The following XRN2 variants were observed in gnomAD, a reference collection of about 807,000 sequenced individuals.
XRN2 encodes the protein DHM1-like protein.
Under a neutral mutation model 138.5 loss-of-function variants are expected in XRN2, and 44 were observed. The ratio of observed to expected loss-of-function variants is 0.32; its 90% CI spans 0.25 to 0.41. The LOEUF (loss-of-function observed/expected upper bound fraction) is 0.41, where lower values mean the gene tolerates loss of function less well. Ranked by LOEUF, XRN2 falls within the 10% of genes least tolerant of loss-of-function variation. The pLI, the probability that XRN2 is intolerant of heterozygous loss-of-function variation, is 1.00. For missense variants in XRN2, 937 were observed against 1,169.3 expected, an observed-to-expected ratio of 0.80 and a Z score of 2.90; for synonymous variants, 354 against 369.4, an observed-to-expected ratio of 0.96 and a Z score of 0.48.
At chr20:21,364,381 A>G (rs2122303000) in intron 24 of XRN2, among the ~76,000 whole-genome samples, 1 of 152,322 alleles carries the variant, frequency 6.6e-6, no homozygotes, top group East Asian at 1.9e-4. Context: ...TTGCTATGTC[A>G]GAAGACAGAC....
At chr20:21,373,435 G>A (rs573299934) in intron 27 of XRN2, among the ~76,000 whole-genome samples, 6 of 152,170 alleles carry the variant, frequency 3.9e-5, no homozygotes, top group African/African-American at 7.2e-5. Flanking sequence ...GAAACTGTGC[G>A]TCCTTCAATG....
At chr20:21,350,472 G>C (rs765356200) in intron 20 of XRN2, among the ~76,000 whole-genome samples, 12 of 126,752 alleles carry the variant, frequency 9.5e-5, no homozygotes, top group Non-Finnish European at 1.6e-4. Flanking sequence ...CTTGCAGTGA[G>C]TCGAGATAGC....
intron 28 of XRN2, among the ~76,000 whole-genome samples, chr20:21,385,360 A>G (rs1379876162): frequency 6.6e-6 from 1 of 152,216 alleles, no homozygotes; most frequent in Admixed American, 6.5e-5. Flanking sequence ...CAGAGACTGG[A>G]AGAGACCATT....
intron 20 of XRN2, among the ~76,000 whole-genome samples, chr20:21,353,724 G>A (rs2038541233): frequency 6.8e-6 from 1 of 147,622 alleles, no homozygotes; most frequent in African/African-American, 2.5e-5. Flanking sequence ...GAGCCTGCAA[G>A]TTTGAGGCTG....
chr20:21,354,647 A>G (rs2038554233), intron 20 of XRN2, 142 bp from the exon 21 acceptor site: 1 of 653,022 alleles, frequency 1.5e-6, no homozygotes, highest in Admixed American at 2.8e-5. Context: ...GTTTTGGCTT[A>G]ATGAGACAAT....
At chr20:21,328,857 TTCAAACTC>T (rs2038163904) in intron 4 of XRN2, among the ~76,000 whole-genome samples, 187 bp downstream of exon 4, 1 of 152,182 alleles carries the variant, frequency 6.6e-6, no homozygotes, top group African/African-American at 2.4e-5. Context: ...CTTGTTTATT[TTCAAACTC>T]TCCAGTAAGA....
In XRN2 at chr20:21,339,084, T is replaced by G. The variant is rs1415747495; in HGVS notation, c.1274T>G (p.Met425Arg). The change falls in exon 14 of 30, where the codon ATG becomes AGG. Residue 425 changes from methionine to arginine, a missense_variant. Physicochemically the swap from Met to Arg is moderately conservative, Grantham distance 91. This residue lies in a region of XRN2 where 471 missense variants were observed against 581.2 expected (regional missense o/e 0.81). Coordinates refer to ENST00000377191, the MANE Select transcript of XRN2 (RefSeq NM_012255.5). ...RRRQKEKRKR[M>R]KRDQPAFTPS... ...CGACAGAAAGAAAAAAGAAAGAGAA[T>G]GAAGGTGAGTTTTAATTAATTTCAT... The G allele has an allele frequency of 3.7e-6, 6 of 1,605,360 alleles. No individual in the cohort carries two copies. Among genetic ancestry groups the G allele is most frequent in the Admixed American group, 1.7e-5 (1 of 58,892 alleles).
intron 1 of XRN2, among the ~76,000 whole-genome samples, chr20:21,322,243 C>T (rs1053255207): frequency 3.6e-4 from 55 of 152,192 alleles, no homozygotes; most frequent in African/African-American, 1.3e-3. Context: ...CATTCACTAA[C>T]GTCGTATAAA....
chr20:21,303,827 T>C (rs1600663706), intron 1 of XRN2: 8 of 1,047,430 alleles, frequency 7.6e-6, no homozygotes, highest in Non-Finnish European at 9.2e-6. Flanking sequence ...TCAGAGGCTG[T>C]TGTTGAGCAA....
At chr20:21,377,459 A>G (rs999738550) in intron 27 of XRN2, among the ~76,000 whole-genome samples, 2 of 151,016 alleles carry the variant, frequency 1.3e-5, no homozygotes, top group South Asian at 2.1e-4. Flanking sequence ...GTTTTGCCAT[A>G]TTGGCCAGGC....
At chr20:21,314,814 C>T (rs866854875) in intron 1 of XRN2, among the ~76,000 whole-genome samples, 5 of 152,276 alleles carry the variant, frequency 3.3e-5, no homozygotes, top group Middle Eastern at 3.4e-3. Flanking sequence ...GTGTTGCTTA[C>T]CAACTTGTCT....
intron 20 of XRN2, among the ~76,000 whole-genome samples, chr20:21,350,710 G>A (rs2038498957): frequency 6.6e-6 from 1 of 151,774 alleles, no homozygotes; most frequent in South Asian, 2.1e-4. Context: ...CTCTGTGGTT[G>A]GAATGGCCAA....
Position 21,328,634 on chromosome 20 carries a change from G to A in XRN2, c.391G>A (p.Glu131Lys), listed in dbSNP as rs1228254818. Residue 131 changes from glutamate (E) to lysine (K), a missense_variant, in exon 4 of 30, where the codon GAG (glutamate) becomes AAG (lysine). By Grantham distance (56) the Glu-to-Lys change is moderately conservative. This residue lies in a region of XRN2 where 471 missense variants were observed against 581.2 expected (regional missense o/e 0.81). Coordinates refer to ENST00000377191, the MANE Select transcript of XRN2 (RefSeq NM_012255.5). ...AAAAGAAGGAATGGAAGCAGCAGTC[G>A]AGAAGCAGCGAGTCAGGGAAGAAAT... ...ASKEGMEAAV[E>K]KQRVREEILA... 12 of 1,613,934 alleles carry A rather than the reference G, an allele frequency of 7.4e-6. No homozygotes were observed. Among genetic ancestry groups the A allele is most frequent in the Admixed American group, 5.0e-5 (3 of 59,996 alleles).
At chr20:21,356,302 A>T in intron 22 of XRN2, 125 bp downstream of exon 22, 1 of 730,988 alleles carries the variant, frequency 1.4e-6, no homozygotes, top group Non-Finnish European at 2.2e-6. Flanking sequence ...GTATATTTCC[A>T]GTGTTGTATA....
intron 15 of XRN2, among the ~76,000 whole-genome samples, chr20:21,341,122 C>T (rs984792689): frequency 6.6e-6 from 1 of 152,148 alleles, no homozygotes; most frequent in East Asian, 1.9e-4. Flanking sequence ...GAGACCCTGT[C>T]TCAAAAATAA....
intron 29 of XRN2, among the ~76,000 whole-genome samples, chr20:21,387,864 G>T (rs950353608): frequency 1.3e-5 from 2 of 152,152 alleles, no homozygotes; most frequent in Admixed American, 6.5e-5. Context: ...CACAGCTAAG[G>T]AACATATTTT....
rs6082385 is a variant in XRN2, at chr20:21,311,726, G to A, written c.75+8253G>A. Among the ~76,000 whole-genome samples the A allele has an allele frequency of 3.8e-3, 571 of 152,240 alleles. 3 individuals are homozygous for A. Among genetic ancestry groups the A allele is most frequent in the Admixed American group, 5.3e-3 (81 of 15,302 alleles). On this transcript the variant is annotated intron_variant, in intron 1 of 29. Transcript: ENST00000377191. ...TTGATGGCCAGGCATGTTGGCTCAC[G>A]CCTGCAATCCCAGCACTTTGGGAGG... is the stretch of plus-strand genomic sequence containing the variant.
At chr20:21,348,063 A>G in intron 17 of XRN2, 83 bp from the exon 18 acceptor site, 1 of 1,060,708 alleles carries the variant, frequency 9.4e-7, no homozygotes, top group East Asian at 2.6e-5. Context: ...TTATAGGTTA[A>G]CAGTCTAATT....
chr20:21,343,380 T>A (rs937376035), intron 15 of XRN2, among the ~76,000 whole-genome samples: 6 of 152,048 alleles, frequency 3.9e-5, no homozygotes, highest in Admixed American at 6.6e-5. Context: ...TAATACTGAA[T>A]TTAAAGTGAC....
Sources: allele counts gnomAD v4.1 joint callset (sites outside exome capture counted in the v4.1 genomes callset), GRCh38; gene constraint gnomAD v4.1.1; regional missense constraint gnomAD v4.1.1; transcripts MANE v1.5; gene names NCBI Gene and HGNC (gene_info 2026-07-23, HGNC 2026-07-21).